The following C2orf76 variants were observed in gnomAD, a reference collection of about 807,000 sequenced individuals.
C2orf76 encodes the protein UPF0538 protein C2orf76.
C2orf76 carries 23 observed loss-of-function variants against 16.9 expected under a neutral mutation model. The ratio of observed to expected loss-of-function variants is 1.36; its 90% confidence interval spans 0.98 to 1.93. C2orf76 has a LOEUF of 1.93. C2orf76 is among the 30% of genes most tolerant of loss of function. C2orf76 has a pLI of 0.00. For missense variants in C2orf76, 152 were observed against 152.6 expected (o/e 1.00, Z 0.02); for synonymous variants, 48 against 52.3 (o/e 0.92, Z 0.35).
the C2orf76 span, among the ~76,000 whole-genome samples, chr2:119,296,037 G>A: frequency 6.6e-6 from 1 of 152,178 alleles, no homozygotes; most frequent in Non-Finnish European, 1.5e-5. Context: ...ATTTGGGGAT[G>A]GGGAAAGTGG....
At chr2:119,314,213 AT>A (rs955409301) in intron 4 of C2orf76, among the ~76,000 whole-genome samples, 2 of 151,480 alleles carry the variant, frequency 1.3e-5, no homozygotes, top group Admixed American at 6.6e-5. Flanking sequence ...CATTTTTTGA[AT>A]TTTTCATCGT....
the C2orf76 span, among the ~76,000 whole-genome samples, chr2:119,284,318 G>GAA: frequency 4.6e-5 from 7 of 152,116 alleles, no homozygotes; most frequent in African/African-American, 1.7e-4. Context: ...ATTCAATGCT[G>GAA]ACACACCACA....
chr2:119,355,623 T>C (rs1383402689), intron 1 of C2orf76, among the ~76,000 whole-genome samples: 1 of 152,148 alleles, frequency 6.6e-6, no homozygotes, highest in Non-Finnish European at 1.5e-5. Flanking sequence ...TAGATTCTCA[T>C]AGGAGCGTGA....
In C2orf76 at chr2:119,339,912, A is replaced by T; in HGVS notation, c.48T>A (p.Phe16Leu). The T allele has an allele frequency of 1.2e-6, 2 of 1,613,334 alleles. No homozygotes were observed. The highest frequency in any genetic ancestry group is 1.7e-6 in the Non-Finnish European group (2 of 1,179,258). The change falls in exon 2 of 6, where the codon TTT becomes TTA. Residue 16 changes from phenylalanine to leucine, a missense_variant. By Grantham distance (22) the Phe-to-Leu change is conservative. Transcript: ENST00000334816. ...CTACAGGTTTGAAATTGCGATGTTC[A>T]AAGGAACGGATGAGGCGAACTGTGA... ...VTITVRLIRS[F>L]EHRNFKPVVY...
At chr2:119,320,190 CAT>C (rs1679300941) in intron 3 of C2orf76, among the ~76,000 whole-genome samples, 1 of 152,076 alleles carries the variant, frequency 6.6e-6, no homozygotes, top group Admixed American at 6.6e-5. Flanking sequence ...TGCACATAGA[CAT>C]ATAGATACAC....
At chr2:119,346,901 G>C (rs1680220362) in intron 1 of C2orf76, among the ~76,000 whole-genome samples, 1 of 152,176 alleles carries the variant, frequency 6.6e-6, no homozygotes, top group South Asian at 2.1e-4. Flanking sequence ...ACTCAAGCAA[G>C]GTGTTGCCAA....
chr2:119,335,841 C>G (rs1346841444), intron 2 of C2orf76, among the ~76,000 whole-genome samples: 1 of 152,150 alleles, frequency 6.6e-6, no homozygotes, highest in East Asian at 1.9e-4. Flanking sequence ...CCCAGTCTAA[C>G]CATGAGAAAA....
chr2:119,314,922 A>G (rs1679117362), intron 4 of C2orf76, among the ~76,000 whole-genome samples: 1 of 152,204 alleles, frequency 6.6e-6, no homozygotes, highest in African/African-American at 2.4e-5. Flanking sequence ...TGAAACGCAC[A>G]GATCTTGAGA....
At chr2:119,341,103 T>G (rs570273778) in intron 1 of C2orf76, among the ~76,000 whole-genome samples, 2 of 152,164 alleles carry the variant, frequency 1.3e-5, no homozygotes, top group East Asian at 1.9e-4. Flanking sequence ...ACACTCTAAT[T>G]CATATCATTT....
the C2orf76 span, among the ~76,000 whole-genome samples, chr2:119,292,088 G>C: frequency 6.6e-6 from 1 of 152,090 alleles, no homozygotes; most frequent in Non-Finnish European, 1.5e-5. Flanking sequence ...AAAGACAAAT[G>C]ATTCCAATAT....
At chr2:119,331,473 C>T (rs762977261) in intron 2 of C2orf76, among the ~76,000 whole-genome samples, 2 of 152,220 alleles carry the variant, frequency 1.3e-5, no homozygotes, top group East Asian at 1.9e-4. Context: ...GATCCATACA[C>T]AACTGAAGAC....
intron 1 of C2orf76, among the ~76,000 whole-genome samples, chr2:119,349,829 C>G (rs1410801859): frequency 6.6e-6 from 1 of 152,116 alleles, no homozygotes; most frequent in Non-Finnish European, 1.5e-5. Context: ...GAGGTCTGGC[C>G]CACAAGCTCT....
chr2:119,360,477 CAAAAAAAAAAA>C (rs770401400), intron 1 of C2orf76, among the ~76,000 whole-genome samples: 3 of 66,898 alleles, frequency 4.5e-5, no homozygotes, highest in South Asian at 6.6e-4. Flanking sequence ...AACTCTGTCT[CAAAAAAAAAAA>C]AAAAAAAAAA....
chr2:119,354,793 A>G (rs2104639450), intron 1 of C2orf76, among the ~76,000 whole-genome samples: 1 of 152,234 alleles, frequency 6.6e-6, no homozygotes, highest in African/African-American at 2.4e-5. Context: ...AAAATCTTCC[A>G]CCTCTAGGGG....
chr2:119,318,543 T>TC (rs976109240), intron 3 of C2orf76, among the ~76,000 whole-genome samples: 7 of 152,086 alleles, frequency 4.6e-5, no homozygotes, highest in Admixed American at 2.0e-4. Context: ...TTTTTTTTTT[T>TC]TTTTGAGACG....
At chr2:119,310,529 G>T (rs1168873063) in intron 5 of C2orf76, among the ~76,000 whole-genome samples, 1 of 152,094 alleles carries the variant, frequency 6.6e-6, no homozygotes, top group East Asian at 1.9e-4. Flanking sequence ...AGTGATTAAA[G>T]TAACTCAAAA....
chr2:119,322,951 A>G (rs1004304529), intron 2 of C2orf76, among the ~76,000 whole-genome samples: 1 of 152,144 alleles, frequency 6.6e-6, no homozygotes, highest in African/African-American at 2.4e-5. Context: ...TGATCTTAAA[A>G]CCACATGAAT....
the C2orf76 span, among the ~76,000 whole-genome samples, chr2:119,281,521 AAGAGAG>A: frequency 5.2e-4 from 78 of 150,342 alleles, no homozygotes; most frequent in African/African-American, 1.7e-3. Flanking sequence ...AGAAAATAAA[AAGAGAG>A]AGAGAGAGAG....
chr2:119,338,219 G>T (rs1345031483), intron 2 of C2orf76, among the ~76,000 whole-genome samples: 1 of 152,184 alleles, frequency 6.6e-6, no homozygotes, highest in African/African-American at 2.4e-5. Context: ...AGCAGCAGAT[G>T]GAGGAAAGCT....
Sources: gnomAD v4.1 joint callset for allele counts (sites outside exome capture counted in the v4.1 genomes callset) on GRCh38, gnomAD v4.1.1 for gene constraint, MANE v1.5 for transcripts, NCBI Gene and HGNC (gene_info 2026-07-23, HGNC 2026-07-21) for gene names.